The following DNAH9 variants were observed in gnomAD, a reference collection of about 807,000 sequenced individuals.
DNAH9 encodes the protein DNAH9 variant protein.
A neutral mutation model predicts 471.6 loss-of-function variants in DNAH9; 345 were observed. That is an observed-to-expected ratio of 0.73 (90% CI 0.67 to 0.80). The LOEUF is 0.80. Ranked by LOEUF, DNAH9 falls within the 30% of genes least tolerant of loss-of-function variation. The pLI is 0.00. For missense variants in DNAH9, 5,407 were observed against 5,609.2 expected (o/e 0.96, Z 1.15); for synonymous variants, 2,093 against 2,123.6 (o/e 0.99, Z 0.40).
At chr17:11,918,091 A>G (rs1218114651) in intron 61 of DNAH9, among the ~76,000 whole-genome samples, 4 of 152,200 alleles carry the variant, frequency 2.6e-5, no homozygotes, top group Non-Finnish European at 5.9e-5. Flanking sequence ...AGATATGTTC[A>G]AAGAAACAGT....
intron 26 of DNAH9, among the ~76,000 whole-genome samples, chr17:11,708,971 A>T (rs1274751989): frequency 6.6e-6 from 1 of 152,140 alleles, no homozygotes; most frequent in Non-Finnish European, 1.5e-5. Context: ...CTAGATAGGG[A>T]TGTGCCCGGC....
At chr17:11,806,039 C>G (rs1371367507) in intron 43 of DNAH9, among the ~76,000 whole-genome samples, 2 of 152,134 alleles carry the variant, frequency 1.3e-5, no homozygotes, top group East Asian at 3.9e-4. Context: ...GCCCGAGTTC[C>G]TATTCTCACA....
chr17:11,713,006 A>G (rs1407821107), intron 26 of DNAH9, among the ~76,000 whole-genome samples: 2 of 152,088 alleles, frequency 1.3e-5, no homozygotes, highest in African/African-American at 4.8e-5. Context: ...ACACCCAGGT[A>G]TTAAGTCCAG....
chr17:11,702,621 A>C (rs1476626926), intron 24 of DNAH9, among the ~76,000 whole-genome samples: 1 of 152,248 alleles, frequency 6.6e-6, no homozygotes, highest in African/African-American at 2.4e-5. Flanking sequence ...GTAATCATGG[A>C]AACCAAGCAA....
chr17:11,925,902 C>T (rs538887072), intron 62 of DNAH9, among the ~76,000 whole-genome samples: 1 of 152,020 alleles, frequency 6.6e-6, no homozygotes, highest in East Asian at 1.9e-4. Flanking sequence ...AACAAAAGAT[C>T]CTTACTGGTT....
At chr17:11,815,427 C>T (rs1310503272) in intron 45 of DNAH9, among the ~76,000 whole-genome samples, 3 of 152,148 alleles carry the variant, frequency 2.0e-5, no homozygotes. Flanking sequence ...CTTAACTTAT[C>T]TCTCTACTTC....
intron 20 of DNAH9, 40 bp downstream of exon 20, chr17:11,690,476 T>A: frequency 6.3e-7 from 1 of 1,580,620 alleles, no homozygotes; most frequent in Non-Finnish European, 8.6e-7. Context: ...TATTCTCTGA[T>A]CCAGGGTGAA....
At chr17:11,766,280 C>T (rs1016897702) in intron 36 of DNAH9, among the ~76,000 whole-genome samples, 1 of 150,590 alleles carries the variant, frequency 6.6e-6, no homozygotes. Flanking sequence ...AAAATGGAGG[C>T]TATACCTGAG....
intron 17 of DNAH9, among the ~76,000 whole-genome samples, chr17:11,675,641 G>A (rs1381895498): frequency 6.6e-6 from 1 of 152,034 alleles, no homozygotes; most frequent in Non-Finnish European, 1.5e-5. Context: ...GGAGTATTTA[G>A]CATAAATGGA....
chr17:11,843,001 C>T (rs1971080802), intron 49 of DNAH9, among the ~76,000 whole-genome samples: 1 of 146,578 alleles, frequency 6.8e-6, no homozygotes. Flanking sequence ...CATTAAAACT[C>T]TCAGTAAAGT....
intron 28 of DNAH9, among the ~76,000 whole-genome samples, chr17:11,729,250 A>T (rs2075215359): frequency 6.6e-6 from 1 of 152,056 alleles, no homozygotes; most frequent in Non-Finnish European, 1.5e-5. Flanking sequence ...GATAAAGCAC[A>T]TCGTTTGCCA....
intron 7 of DNAH9, 24 bp downstream of exon 7, chr17:11,629,608 G>T (rs746590390): frequency 1.9e-6 from 3 of 1,604,186 alleles, no homozygotes; most frequent in Non-Finnish European, 1.7e-6. Flanking sequence ...GGGCTGAATC[G>T]CCAGCTCTGC....
intron 48 of DNAH9, among the ~76,000 whole-genome samples, chr17:11,826,812 C>T (rs1213153380): frequency 6.8e-6 from 1 of 147,536 alleles, no homozygotes; most frequent in East Asian, 2.1e-4. Flanking sequence ...TTGTTGAGTC[C>T]CTACTTTCTT....
At chr17:11,703,005 A>AT in intron 24 of DNAH9, among the ~76,000 whole-genome samples, 1 of 151,314 alleles carries the variant, frequency 6.6e-6, no homozygotes, top group Non-Finnish European at 1.5e-5. Flanking sequence ...AGGCAGGAGA[A>AT]TGGCGTGAAC....
chr17:11,783,955 A>C (rs1302779143), intron 40 of DNAH9, among the ~76,000 whole-genome samples: 1 of 152,104 alleles, frequency 6.6e-6, no homozygotes, highest in Non-Finnish European at 1.5e-5. Context: ...ATTTCATCTG[A>C]TTTGATCCCT....
intron 14 of DNAH9, among the ~76,000 whole-genome samples, chr17:11,660,626 G>A (rs2073744413): frequency 6.6e-6 from 1 of 152,060 alleles, no homozygotes; most frequent in Non-Finnish European, 1.5e-5. Context: ...CCCAGCTCTT[G>A]TTATAACTTA....
intron 50 of DNAH9, among the ~76,000 whole-genome samples, chr17:11,855,130 G>A (rs1046557178): frequency 1.4e-4 from 21 of 151,704 alleles, no homozygotes; most frequent in Admixed American, 3.3e-4. Flanking sequence ...TTGAACTCCC[G>A]GGCTCAAGTG....
At chr17:11,712,766 GTCT>G (rs1307993113) in intron 26 of DNAH9, among the ~76,000 whole-genome samples, 1 of 151,288 alleles carries the variant, frequency 6.6e-6, no homozygotes, top group Non-Finnish European at 1.5e-5. Context: ...TGTTTGGTCT[GTCT>G]TCTTATTATT....
At chr17:11,726,253 C>T (rs9896753) in intron 27 of DNAH9, among the ~76,000 whole-genome samples, 136,634 of 152,098 alleles carry the variant, frequency 0.9, 62,616 homozygotes, top group Non-Finnish European at 0.99. Context: ...AATCTTGTGA[C>T]CTTTACACTA....
Sources: gnomAD v4.1 joint callset for allele counts (sites outside exome capture counted in the v4.1 genomes callset) on GRCh38, gnomAD v4.1.1 for gene constraint, MANE v1.5 for transcripts, NCBI Gene and HGNC (gene_info 2026-07-23, HGNC 2026-07-21) for gene names.